ZBTB20: variants seen among roughly 807,000 people sequenced by gnomAD.
ZBTB20 encodes the protein zinc finger and BTB domain containing 20.
A neutral mutation model predicts 56.9 loss-of-function variants in ZBTB20; 9 were observed. The observed-to-expected ratio is 0.16, with a 90% confidence interval of 0.10 to 0.28. The LOEUF (loss-of-function observed/expected upper bound fraction) is 0.28. Ranked by LOEUF, ZBTB20 falls within the 10% of genes least tolerant of loss-of-function variation. ZBTB20 has a pLI of 1.00. For missense variants in ZBTB20, 655 were observed against 1,003.0 expected, an observed-to-expected ratio of 0.65 and a Z score of 4.69; for synonymous variants, 417 against 420.7, an observed-to-expected ratio of 0.99 and a Z score of 0.11.
chr3:114,539,508 A>G (rs1429695664), intron 6 of ZBTB20, among the ~76,000 whole-genome samples: 1 of 152,116 alleles, frequency 6.6e-6, no homozygotes, highest in Non-Finnish European at 1.5e-5. Flanking sequence ...TTTACAGATA[A>G]AGAAACACAG....
rs1427988969 is a variant in ZBTB20, at chr3:114,350,380, G to C, written c.1698C>G (p.His566Gln). ...APQPLASSAG[H>Q]STASGQGEKK... The stretch of plus-strand genomic sequence containing the variant: ...TTTCGCCTTGCCCACTGGCTGTGCT[G>C]TGGCCTGCGGATGAGGCCAGGGGCT... The change falls in exon 11 of 12, where the codon CAC becomes CAG. Residue 566 changes from histidine to glutamine, a missense_variant. His to Gln is a conservative substitution (Grantham distance 24, BLOSUM62 0). Coordinates refer to ENST00000675478, the MANE Select transcript of ZBTB20 (RefSeq NM_001348800.3). 6.2e-7 allele frequency: 1 copy of C among 1,614,104 alleles called. No individual in the cohort carries two copies. The highest frequency in any genetic ancestry group is 8.5e-7 in the Non-Finnish European group (1 of 1,180,052).
At chr3:114,882,168 G>A (rs1223872479) in intron 4 of ZBTB20, among the ~76,000 whole-genome samples, 9 of 151,674 alleles carry the variant, frequency 5.9e-5, no homozygotes, top group Admixed American at 3.9e-4. Flanking sequence ...TCACAAAAAA[G>A]TAAACAAAAA....
chr3:114,635,916 G>C (rs1380325928), intron 6 of ZBTB20, among the ~76,000 whole-genome samples: 2 of 151,680 alleles, frequency 1.3e-5, no homozygotes, highest in Non-Finnish European at 2.9e-5. Flanking sequence ...CCCAAATCAG[G>C]GGAGAGAAAT....
At chr3:115,073,930 C>CA (rs900199162) in intron 1 of ZBTB20, among the ~76,000 whole-genome samples, 1 of 151,720 alleles carries the variant, frequency 6.6e-6, no homozygotes, top group African/African-American at 2.4e-5. Flanking sequence ...TTCTGAAGAC[C>CA]AAAAAAATCC....
At chr3:114,393,983 A>T (rs2086116444) in intron 7 of ZBTB20, among the ~76,000 whole-genome samples, 1 of 152,202 alleles carries the variant, frequency 6.6e-6, no homozygotes, top group Non-Finnish European at 1.5e-5. Flanking sequence ...AACTTTCTGC[A>T]GATGTCTACT....
chr3:114,687,882 T>G (rs1003297211), intron 6 of ZBTB20: 19 of 152,286 alleles, frequency 1.2e-4, no homozygotes, highest in Non-Finnish European at 1.6e-4. Context: ...AAGTAGTTTC[T>G]GTTTCTCCTT....
intron 6 of ZBTB20, among the ~76,000 whole-genome samples, chr3:114,502,390 T>C (rs1020833571): frequency 6.6e-6 from 1 of 152,194 alleles, no homozygotes; most frequent in Non-Finnish European, 1.5e-5. Context: ...TGATTTCCCT[T>C]TGTGGTCAAT....
intron 3 of ZBTB20, among the ~76,000 whole-genome samples, chr3:114,922,176 T>C (rs1235913781): frequency 6.6e-6 from 1 of 152,174 alleles, no homozygotes; most frequent in Non-Finnish European, 1.5e-5. Context: ...AGAAGGAACG[T>C]ACCTCAACAT....
intron 3 of ZBTB20, among the ~76,000 whole-genome samples, chr3:114,972,829 T>A (rs982467003): frequency 1.3e-5 from 2 of 152,014 alleles, no homozygotes; most frequent in Admixed American, 6.6e-5. Context: ...TGAGGTTTCT[T>A]TAATTTCTCT....
chr3:114,598,720 T>G (rs184649840), intron 6 of ZBTB20, among the ~76,000 whole-genome samples: 1 of 152,096 alleles, frequency 6.6e-6, no homozygotes, highest in African/African-American at 2.4e-5. Context: ...CATTTTTTTA[T>G]ATACTGGAAA....
At chr3:114,536,670 C>A (rs1241999660) in intron 6 of ZBTB20, among the ~76,000 whole-genome samples, 2 of 152,026 alleles carry the variant, frequency 1.3e-5, no homozygotes, top group African/African-American at 2.4e-5. Context: ...AAAAAAGAAC[C>A]CATATAGCCA....
intron 1 of ZBTB20, among the ~76,000 whole-genome samples, chr3:115,096,324 G>A (rs2083378952): frequency 6.6e-6 from 1 of 152,074 alleles, no homozygotes; most frequent in African/African-American, 2.4e-5. Flanking sequence ...ATATTTAGAG[G>A]TTCTTTTCAG....
intron 7 of ZBTB20, among the ~76,000 whole-genome samples, chr3:114,393,706 A>G (rs1301235857): frequency 1.3e-5 from 2 of 152,214 alleles, no homozygotes; most frequent in Non-Finnish European, 2.9e-5. Context: ...TTTTAAGTCA[A>G]AAGATAATTT....
At chr3:114,399,659 T>C (rs2086646118) in intron 7 of ZBTB20, among the ~76,000 whole-genome samples, 1 of 152,018 alleles carries the variant, frequency 6.6e-6, no homozygotes, top group South Asian at 2.1e-4. Context: ...AAGGGTGGCC[T>C]GCCTATTGGG....
intron 5 of ZBTB20, among the ~76,000 whole-genome samples, chr3:114,766,621 G>C (rs958033167): frequency 2.6e-5 from 4 of 151,288 alleles, no homozygotes; most frequent in African/African-American, 9.7e-5. Context: ...CCCTGGAGAA[G>C]TTTAAAAAAA....
chr3:114,992,495 G>A (rs941491193), intron 2 of ZBTB20, among the ~76,000 whole-genome samples: 1 of 151,876 alleles, frequency 6.6e-6, no homozygotes, highest in African/African-American at 2.4e-5. Flanking sequence ...AGCTATAAAG[G>A]GAAATCTCTG....
chr3:114,687,211 T>G (rs2062395386), intron 6 of ZBTB20: 1 of 152,070 alleles, frequency 6.6e-6, no homozygotes, highest in Admixed American at 6.6e-5. Flanking sequence ...TGAAATGTTT[T>G]TTTTTTTTTT....
intron 5 of ZBTB20, among the ~76,000 whole-genome samples, chr3:114,716,367 C>A (rs1212694063): frequency 6.6e-6 from 1 of 152,048 alleles, no homozygotes; most frequent in African/African-American, 2.4e-5. Context: ...AGAGGACCAG[C>A]GATATTATTA....
At chr3:114,787,316 G>T (rs2070572673) in intron 5 of ZBTB20, among the ~76,000 whole-genome samples, 1 of 126,018 alleles carries the variant, frequency 7.9e-6, no homozygotes, top group Admixed American at 8.8e-5. Flanking sequence ...AGTGAAAGAA[G>T]CCAGTCTTAA....
Sources: allele counts gnomAD v4.1 joint callset (sites outside exome capture counted in the v4.1 genomes callset), GRCh38; gene constraint gnomAD v4.1.1; transcripts MANE v1.5; gene names NCBI Gene and HGNC (gene_info 2026-07-23, HGNC 2026-07-21).